The following OLIG2 variants were observed in gnomAD, a reference collection of about 807,000 sequenced individuals.
OLIG2 encodes the protein basic domain, helix-loop-helix protein, class B, 1.
In OLIG2, 12 loss-of-function variants were observed where a neutral mutation model predicts 13.4. That is an observed-to-expected ratio of 0.90 (90% CI 0.58 to 1.46). The LOEUF is 1.46. Among genes scored for constraint, OLIG2 ranks in the 40% most tolerant of loss-of-function variants. The pLI, the probability that OLIG2 is intolerant of heterozygous loss-of-function variation, is 0.00. For synonymous variants in OLIG2, 250 were observed against 233.6 expected (o/e 1.07, Z -0.64); for missense variants, 415 against 487.9 (o/e 0.85, Z 1.41).
chr21:33,026,749 T>TCTCC lies in OLIG2; in HGVS notation c.-62-48_-62-45dup. ...CTCTCACTGACTCACTCTCTCTCTCTCTCCCTCTCTCTCTCTCTCATTCTC... is the reference window on the plus strand; with the variant it reads ...CTCTCACTGACTCACTCTCTCTCTCTCTCCCTCCCTCTCTCTCTCTCTCATTCTC... On this transcript the variant is annotated intron_variant, in intron 1 of 1. Transcript: ENST00000382357. The surrounding 1 kb of genome is among the most constrained non-coding windows in gnomAD (Gnocchi z 6.6). 1 of 1,322,326 alleles carries TCTCC rather than the reference T, an allele frequency of 7.6e-7. No homozygotes were observed. Among genetic ancestry groups the TCTCC allele is most frequent in the East Asian group, 2.5e-5 (1 of 39,928 alleles). The allele number at this position is 1,322,326 out of a possible 1,614,324, so 81.9% of individuals were successfully genotyped here.
In OLIG2 at chr21:33,028,237, G is replaced by C. The variant is rs535989852; in HGVS notation, c.*403G>C. The C allele has an allele frequency of 3.2e-4, 79 of 248,880 alleles. No individual in the cohort carries two copies. The highest frequency in any genetic ancestry group is 1.2e-3 in the Admixed American group (21 of 17,882). 15.4% of individuals were successfully genotyped at this position (248,880 alleles called of 1,614,324 possible). On this transcript the variant is annotated 3_prime_UTR_variant, in exon 2 of 2. Coordinates refer to ENST00000382357, the MANE Select transcript of OLIG2 (RefSeq NM_005806.4). Reference sequence around the variant, plus strand: ...CAGACTCGGCTTGGGCAGCACTTCGGGGGGGGAGGGGGTGTTATGGGAGGG... The same window carrying C: ...CAGACTCGGCTTGGGCAGCACTTCGCGGGGGGAGGGGGTGTTATGGGAGGG...
rs1270756013 is a variant in OLIG2 at position 33,026,973 on chromosome 21, C to T, written c.111C>T (p.Gly37=). 2 of 1,612,434 alleles carry T rather than the reference C, an allele frequency of 1.2e-6. No homozygotes were observed. The highest frequency in any genetic ancestry group is 1.1e-5 in the South Asian group (1 of 91,030). The change falls in exon 2 of 2, where the codon GGC becomes GGT. Residue 37 remains glycine, a synonymous_variant. Coordinates refer to ENST00000382357, the MANE Select transcript of OLIG2 (RefSeq NM_005806.4). This position sits in a 1 kb window ranked among gnomAD's most constrained non-coding sequence, Gnocchi z 6.6. The part of the protein sequence containing the change: ...KGSSGSAFTG[G]TVSSSTPSDC... The stretch of plus-strand genomic sequence containing the variant: ...GCAGCGGCAGCGCCTTCACTGGGGG[C>T]ACCGTGTCCTCGTCCACCCCGAGTG...
In OLIG2 at chr21:33,027,559, G is replaced by C. The variant is rs1981144012; in HGVS notation, c.697G>C (p.Ala233Pro). Residue 233 changes from alanine (A) to proline (P), a missense_variant, in exon 2 of 2, where the codon GCT becomes CCT. Coordinates refer to ENST00000382357, the MANE Select transcript of OLIG2 (RefSeq NM_005806.4). The stretch of plus-strand genomic sequence containing the variant: ...CGCCGCCGCAGCGGCTGCTGCCGCC[G>C]CTGCAGCCGCGGCTGTGTCCAGCGC... ...PPAAAAAAAA[A>P]AAAAVSSASL... 6.8e-7 allele frequency: 1 copy of C among 1,475,042 alleles called. No individual in the cohort carries two copies. Among genetic ancestry groups the C allele is most frequent in the Non-Finnish European group, 8.9e-7 (1 of 1,117,870 alleles). 91.4% of individuals were successfully genotyped at this position (1,475,042 alleles called of 1,614,324 possible).
chr21:33,027,111 G>T lies in OLIG2; in HGVS notation c.249G>T (p.Ser83=). 6.2e-7 allele frequency: 1 copy of T among 1,611,436 alleles called. No homozygotes were observed. Among genetic ancestry groups the T allele is most frequent in the Non-Finnish European group, 8.5e-7 (1 of 1,179,034 alleles). ...TCAAGTCATCCTCGTCCAGCACCTC[G>T]TCGTCTACGTCGTCGGCGGCTGCGT... ...SGFKSSSSST[S]SSTSSAAASS... is the part of the protein sequence containing the mutation. The change falls in exon 2 of 2, where the codon TCG becomes TCT. Residue 83 remains serine (S), a synonymous_variant. Transcript: ENST00000382357.
Position 33,026,321 on chromosome 21 carries a change from G to A in OLIG2, c.-63+295G>A, listed in dbSNP as rs1432612339. The A allele has an allele frequency of 6.4e-6, 1 of 155,104 alleles. No homozygotes were observed. The highest frequency in any genetic ancestry group is 1.9e-4 in the East Asian group (1 of 5,220). 9.6% of individuals were successfully genotyped at this position (155,104 alleles called of 1,614,324 possible). On this transcript the variant is annotated intron_variant, in intron 1 of 1. Transcript: ENST00000382357. This position sits in a 1 kb window ranked among gnomAD's most constrained non-coding sequence, Gnocchi z 6.6. ...ACTCTGGGCCCCGCGCCGGCTCTGG[G>A]TGCATGTGCGTGTGCGTGTGTTTGC... is the stretch of plus-strand genomic sequence containing the variant.
chr21:33,027,822 C>T lies in OLIG2; in HGVS notation c.960C>T (p.Ser320=). 5 of 1,416,036 alleles carry T rather than the reference C, an allele frequency of 3.5e-6. No homozygotes were observed. The highest frequency in any genetic ancestry group is 3.7e-6 in the Non-Finnish European group (4 of 1,093,272). The allele number at this position is 1,416,036 out of a possible 1,614,324, so 87.7% of individuals were successfully genotyped here. A position where few individuals can be genotyped will look rare whatever the true frequency, so the allele number is the denominator to read the frequency against. The change falls in exon 2 of 2, where the codon TCC becomes TCT. Residue 320 remains serine (S), a synonymous_variant. Coordinates refer to ENST00000382357, the MANE Select transcript of OLIG2 (RefSeq NM_005806.4). ...MGAGSLPRLT[S]DAK ...CCGGCAGCCTGCCGCGCCTCACCTC[C>T]GACGCCAAGTGAGCCGACTGGCGCC...
In OLIG2 at chr21:33,028,444, T is replaced by G. The variant is rs1233302196; in HGVS notation, c.*610T>G. 9.1e-6 allele frequency: 2 copies of G among 219,516 alleles called. No individual in the cohort carries two copies. The highest frequency in any genetic ancestry group is 2.3e-5 in the African/African-American group (1 of 43,590). 13.6% of individuals were successfully genotyped at this position (219,516 alleles called of 1,614,324 possible). The stretch of plus-strand genomic sequence containing the variant: ...CAGAAGCGCTGATGGTCATATCCAA[T>G]CTCAATATCTGGGTCAATCCACACC... On this transcript the variant is annotated 3_prime_UTR_variant, in exon 2 of 2. Coordinates refer to ENST00000382357, the MANE Select transcript of OLIG2 (RefSeq NM_005806.4).
chr21:33,026,748 C>G lies in OLIG2; in HGVS notation c.-62-53C>G. 1.5e-6 allele frequency: 2 copies of G among 1,305,552 alleles called. No individual in the cohort carries two copies. Among genetic ancestry groups the G allele is most frequent in the Non-Finnish European group, 2.1e-6 (2 of 963,712 alleles). 80.9% of individuals were successfully genotyped at this position (1,305,552 alleles called of 1,614,324 possible). Reference sequence around the variant, plus strand: ...TCTCTCACTGACTCACTCTCTCTCTCTCTCCCTCTCTCTCTCTCTCATTCT... The same window carrying G: ...TCTCTCACTGACTCACTCTCTCTCTGTCTCCCTCTCTCTCTCTCTCATTCT... On this transcript the variant is annotated intron_variant, in intron 1 of 1. Coordinates refer to ENST00000382357, the MANE Select transcript of OLIG2 (RefSeq NM_005806.4). The surrounding 1 kb of genome is among the most constrained non-coding windows in gnomAD (Gnocchi z 6.6).
Position 33,026,674 on chromosome 21 carries a change from C to G in OLIG2, c.-62-127C>G, listed in dbSNP as rs1981083058. On this transcript the variant is annotated intron_variant, in intron 1 of 1. Coordinates refer to ENST00000382357, the MANE Select transcript of OLIG2 (RefSeq NM_005806.4). The surrounding 1 kb of genome is among the most constrained non-coding windows in gnomAD (Gnocchi z 6.6). The stretch of plus-strand genomic sequence containing the variant: ...ACGAGGAGCCACGGGCCACCTGTGC[C>G]GGGACCCCGCGCTGTGGTACTGCGG... 1 of 705,374 alleles carries G rather than the reference C, an allele frequency of 1.4e-6. No homozygotes were observed. Among genetic ancestry groups the G allele is most frequent in the Non-Finnish European group, 2.3e-6 (1 of 434,252 alleles). The allele number at this position is 705,374 out of a possible 1,614,324, so 43.7% of individuals were successfully genotyped here. A position where few individuals can be genotyped will look rare whatever the true frequency, so the allele number is the denominator to read the frequency against.
chr21:33,027,979 C>A lies in OLIG2; in HGVS notation c.*145C>A. On this transcript the variant is annotated 3_prime_UTR_variant, in exon 2 of 2. Transcript: ENST00000382357. ...GGGTGGGGCATGGTGGGGATTCCAG[C>A]ATCTGCGAACCCAAGCAATGGGGGC... The A allele has an allele frequency of 1.1e-6, 1 of 941,894 alleles. No individual in the cohort carries two copies. The highest frequency in any genetic ancestry group is 1.5e-6 in the Non-Finnish European group (1 of 686,408). 58.3% of individuals were successfully genotyped at this position (941,894 alleles called of 1,614,324 possible).
Position 33,027,249 on chromosome 21 carries a change from T to C in OLIG2, c.387T>C (p.Asp129=), listed in dbSNP as rs761775017. 16 of 1,610,600 alleles carry C rather than the reference T, an allele frequency of 9.9e-6. No individual in the cohort carries two copies. Among genetic ancestry groups the C allele is most frequent in the Non-Finnish European group, 1.2e-5 (14 of 1,178,856 alleles). ...TGCACGACCTCAACATCGCCATGGA[T>C]GGCCTCCGCGAGGTCATGCCGTACG... ...KRMHDLNIAM[D]GLREVMPYAH... The change falls in exon 2 of 2, where the codon GAT becomes GAC. Residue 129 remains aspartate (D), a synonymous_variant. Coordinates refer to ENST00000382357, the MANE Select transcript of OLIG2 (RefSeq NM_005806.4).
Position 33,028,697 on chromosome 21 carries a change from C to T in OLIG2, c.*863C>T. On this transcript the variant is annotated 3_prime_UTR_variant, in exon 2 of 2. Transcript: ENST00000382357. ...ACCCCACCGACTCATCTTTCCTTCT[C>T]TAAGCACAAAGTGATTTGGTTATTT... 1 of 241,356 alleles carries T rather than the reference C, an allele frequency of 4.1e-6. No individual in the cohort carries two copies. The allele number at this position is 241,356 out of a possible 1,614,324, so 15.0% of individuals were successfully genotyped here.
At position 33,028,100 on chromosome 21, in the gene OLIG2, T is replaced by C. The variant is rs1981174745; in HGVS notation, c.*266T>C. The stretch of plus-strand genomic sequence containing the variant: ...TGAGCTGGTCCAGTAGACATCGTTT[T>C]ATGAAAAGGTACCGCTGTGTGCATT... On this transcript the variant is annotated 3_prime_UTR_variant, in exon 2 of 2. Transcript: ENST00000382357. The C allele has an allele frequency of 5.1e-6, 2 of 393,376 alleles. No individual in the cohort carries two copies. Among genetic ancestry groups the C allele is most frequent in the Non-Finnish European group, 9.4e-6 (2 of 213,236 alleles). 24.4% of individuals were successfully genotyped at this position (393,376 alleles called of 1,614,324 possible).
Position 33,027,946 on chromosome 21 carries a change from T to A in OLIG2, c.*112T>A. The A allele has an allele frequency of 8.3e-7, 1 of 1,201,772 alleles. No homozygotes were observed. Among genetic ancestry groups the A allele is most frequent in the East Asian group, 3.2e-5 (1 of 31,190 alleles). The allele number at this position is 1,201,772 out of a possible 1,614,324, so 74.4% of individuals were successfully genotyped here. On this transcript the variant is annotated 3_prime_UTR_variant, in exon 2 of 2. Coordinates refer to ENST00000382357, the MANE Select transcript of OLIG2 (RefSeq NM_005806.4). Reference sequence around the variant, plus strand: ...TGTCGCGAGGAGGGGCGCAGGACCATGGACTGGGGGTGGGGCATGGTGGGG... The same window carrying A: ...TGTCGCGAGGAGGGGCGCAGGACCAAGGACTGGGGGTGGGGCATGGTGGGG...
In OLIG2 at chr21:33,028,644, T is replaced by C. The variant is rs953425372; in HGVS notation, c.*810T>C. On this transcript the variant is annotated 3_prime_UTR_variant, in exon 2 of 2. Coordinates refer to ENST00000382357, the MANE Select transcript of OLIG2 (RefSeq NM_005806.4). ...ACTGCCGATTTCAGGGGCGGGTGCA[T>C]TGTAGTTATTATTTTAAAATAGAAA... 1.7e-5 allele frequency: 4 copies of C among 239,870 alleles called. No homozygotes were observed. The highest frequency in any genetic ancestry group is 3.7e-4 in the South Asian group (2 of 5,442). The allele number at this position is 239,870 out of a possible 1,614,324, so 14.9% of individuals were successfully genotyped here.
At position 33,026,791 on chromosome 21, in the gene OLIG2, C is replaced by T; in HGVS notation, c.-62-10C>T. On this transcript the variant is annotated splice_polypyrimidine_tract_variant and intron_variant, in intron 1 of 1. Transcript: ENST00000382357. The surrounding 1 kb of genome is among the most constrained non-coding windows in gnomAD (Gnocchi z 6.6). ...CTCATTCTCTCTCTTTTCTCCTCCTCTCCTGGAAGTTTTCGGGTCCGAGGG... is the reference window on the plus strand; with the variant it reads ...CTCATTCTCTCTCTTTTCTCCTCCTTTCCTGGAAGTTTTCGGGTCCGAGGG... 6.4e-7 allele frequency: 1 copy of T among 1,560,932 alleles called. No individual in the cohort carries two copies. The highest frequency in any genetic ancestry group is 8.7e-7 in the Non-Finnish European group (1 of 1,153,604).
At position 33,027,633 on chromosome 21, in the gene OLIG2, G is replaced by A. The variant is rs1231418820; in HGVS notation, c.771G>A (p.Pro257=). Residue 257 remains proline, a synonymous_variant, in exon 2 of 2, where the codon CCG becomes CCA. Coordinates refer to ENST00000382357, the MANE Select transcript of OLIG2 (RefSeq NM_005806.4). ...CGTCGGTCGGCTCCATCCGTCCACC[G>A]CACGGCCTACTCAAGTCTCCGTCTG... The part of the protein sequence containing the change: ...GLPSVGSIRP[P]HGLLKSPSAA... 9 of 1,467,198 alleles carry A rather than the reference G, an allele frequency of 6.1e-6. No homozygotes were observed. Among genetic ancestry groups the A allele is most frequent in the Non-Finnish European group, 7.2e-6 (8 of 1,115,364 alleles). The allele number at this position is 1,467,198 out of a possible 1,614,324, so 90.9% of individuals were successfully genotyped here. A position where few individuals can be genotyped will look rare whatever the true frequency, so the allele number is the denominator to read the frequency against.
In OLIG2 at chr21:33,028,296, T is replaced by G. The variant is rs1981186888; in HGVS notation, c.*462T>G. The G allele has an allele frequency of 4.1e-6, 1 of 244,190 alleles. No individual in the cohort carries two copies. The highest frequency in any genetic ancestry group is 8.6e-6 in the Non-Finnish European group (1 of 116,538). The allele number at this position is 244,190 out of a possible 1,614,324, so 15.1% of individuals were successfully genotyped here. The stretch of plus-strand genomic sequence containing the variant: ...TGGGGCCTTGCTCCTCTTCCTCCTT[T>G]CTTGGCGGGTGGGAGACTCCGGGTA... On this transcript the variant is annotated 3_prime_UTR_variant, in exon 2 of 2. Coordinates refer to ENST00000382357, the MANE Select transcript of OLIG2 (RefSeq NM_005806.4).
Position 33,027,122 on chromosome 21 carries a change from C to T in OLIG2, c.260C>T (p.Ser87Leu), listed in dbSNP as rs1981115945. 1.2e-6 allele frequency: 2 copies of T among 1,611,556 alleles called. No homozygotes were observed. The highest frequency in any genetic ancestry group is 1.7e-6 in the Non-Finnish European group (2 of 1,179,206). The stretch of plus-strand genomic sequence containing the variant: ...TCGTCCAGCACCTCGTCGTCTACGT[C>T]GTCGGCGGCTGCGTCGTCCACCAAG... ...SSSSSTSSST[S>L]SAAASSTKKD... Residue 87 changes from serine (S) to leucine (L), a missense_variant, in exon 2 of 2, where the codon TCG becomes TTG. Coordinates refer to ENST00000382357, the MANE Select transcript of OLIG2 (RefSeq NM_005806.4).
Sources: allele counts gnomAD v4.1 joint callset, GRCh38; gene constraint gnomAD v4.1.1; non-coding constraint Gnocchi (gnomAD v3.1); transcripts MANE v1.5; gene names NCBI Gene and HGNC (gene_info 2026-07-23, HGNC 2026-07-21).